WNT16: variants seen among roughly 807,000 people sequenced by gnomAD.
WNT16 encodes protein Wnt-16.
A neutral mutation model predicts 35.4 loss-of-function variants in WNT16; 20 were observed. The ratio of observed to expected loss-of-function variants is 0.56; its 90% CI spans 0.40 to 0.82. The LOEUF (loss-of-function observed/expected upper bound fraction) is 0.82, where lower values mean the gene tolerates loss of function less well. WNT16 is among the 40% of genes least tolerant of loss of function. The pLI, the probability that WNT16 is intolerant of heterozygous loss-of-function variation, is 0.00. For synonymous variants in WNT16, 180 were observed against 179.2 expected (o/e 1.00, Z -0.03); for missense variants, 461 against 466.0 (o/e 0.99, Z 0.10).
chr7:121,329,124 G>A lies in WNT16; in HGVS notation c.-169G>A, dbSNP rs1793291716. 4.4e-6 allele frequency: 6 copies of A among 1,378,608 alleles called. No individual in the cohort carries two copies. Among genetic ancestry groups the A allele is most frequent in the Non-Finnish European group, 5.6e-6 (6 of 1,068,098 alleles). The allele number at this position is 1,378,608 out of a possible 1,614,324, so 85.4% of individuals were successfully genotyped here. A position where few individuals can be genotyped will look rare whatever the true frequency, so the allele number is the denominator to read the frequency against. ...TCTCCTACAGCTCCCTGCAAACGAG[G>A]GGGAAGCTGCTGAGAGTCCCTATCA... is the stretch of plus-strand genomic sequence containing the variant. On this transcript the variant is annotated 5_prime_UTR_variant, in exon 1 of 4. Coordinates refer to ENST00000222462, the MANE Select transcript of WNT16 (RefSeq NM_057168.2).
chr7:121,325,846 T>G (rs1456069024), upstream of WNT16, among the ~76,000 whole-genome samples: 1 of 151,562 alleles, frequency 6.6e-6, no homozygotes, highest in Non-Finnish European at 1.5e-5. Context: ...TTGAGACCAG[T>G]CTGGGCAACA....
chr7:121,331,645 G>T, intron 2 of WNT16, 33 bp from the exon 3 acceptor site: 1 of 1,591,666 alleles, frequency 6.3e-7, no homozygotes, highest in Non-Finnish European at 8.6e-7. Context: ...AAGTTGCCTG[G>T]TTCTCTAATT....
At position 121,329,103 on chromosome 7, in the gene WNT16, C is replaced by T; in HGVS notation, c.-190C>T. On this transcript the variant is annotated 5_prime_UTR_variant, in exon 1 of 4. Transcript: ENST00000222462. ...CCCCAGGCTGCTCTCTCCATCTCTC[C>T]TACAGCTCCCTGCAAACGAGGGGGA... 1 of 1,373,872 alleles carries T rather than the reference C, an allele frequency of 7.3e-7. No homozygotes were observed. The highest frequency in any genetic ancestry group is 2.6e-5 in the East Asian group (1 of 38,774). 85.1% of individuals were successfully genotyped at this position (1,373,872 alleles called of 1,614,324 possible).
At chr7:121,335,658 C>G (rs552447813) in intron 3 of WNT16, among the ~76,000 whole-genome samples, 4 of 152,026 alleles carry the variant, frequency 2.6e-5, no homozygotes, top group African/African-American at 4.8e-5. Context: ...AATTAAGAAT[C>G]CTGGAGGAAA....
chr7:121,331,612 G>A, intron 2 of WNT16, 66 bp from the exon 3 acceptor site: 1 of 1,475,000 alleles, frequency 6.8e-7, no homozygotes, highest in Non-Finnish European at 9.3e-7. Context: ...ATGAGTAGGA[G>A]GCTTTCTTCT....
chr7:121,326,287 A>C (rs1038072942), upstream of WNT16, among the ~76,000 whole-genome samples: 1 of 152,180 alleles, frequency 6.6e-6, no homozygotes, highest in Non-Finnish European at 1.5e-5. Context: ...CAAAATTATC[A>C]TTCAAATATC....
chr7:121,338,778 A>G, intron 3 of WNT16, 103 bp from the exon 4 acceptor site: 3 of 955,956 alleles, frequency 3.1e-6, no homozygotes, highest in Non-Finnish European at 4.6e-6. Flanking sequence ...TTTATTCAAG[A>G]GGAAATAGAC....
chr7:121,332,763 A>G (rs879286114), intron 3 of WNT16, among the ~76,000 whole-genome samples: 3 of 152,158 alleles, frequency 2.0e-5, no homozygotes, highest in Non-Finnish European at 4.4e-5. Flanking sequence ...AAGCATAAAG[A>G]AGCTATAGGT....
chr7:121,338,745 T>G (rs2116843934), intron 3 of WNT16, 136 bp from the exon 4 acceptor site: 1 of 792,196 alleles, frequency 1.3e-6, no homozygotes, highest in East Asian at 2.7e-5. Flanking sequence ...TTTTAAAGAT[T>G]ATTTACGTTC....
upstream of WNT16, among the ~76,000 whole-genome samples, chr7:121,325,955 G>A (rs537721844): frequency 8.8e-5 from 13 of 147,342 alleles, no homozygotes; most frequent in African/African-American, 2.8e-4. Flanking sequence ...GGTGAGGATC[G>A]CTTGTGCCTG....
In WNT16 at chr7:121,331,642, C is replaced by A. The variant is rs369157030; in HGVS notation, c.347-36C>A. 1,529 of 1,588,086 alleles carry A rather than the reference C, an allele frequency of 9.6e-4. 1 individual carries two copies. Among genetic ancestry groups the A allele is most frequent in the Non-Finnish European group, 1.2e-3 (1,417 of 1,161,074 alleles). ...TCTTCTGAACATAAACAGAAGTTGC[C>A]TGGTTCTCTAATTTAGCAATTTATA... On this transcript the variant is annotated intron_variant, in intron 2 of 3. Coordinates refer to ENST00000222462, the MANE Select transcript of WNT16 (RefSeq NM_057168.2).
intron 3 of WNT16, among the ~76,000 whole-genome samples, chr7:121,335,278 T>A (rs1793422682): frequency 6.6e-6 from 1 of 152,060 alleles, no homozygotes; most frequent in South Asian, 2.1e-4. Flanking sequence ...GTGGAACCAA[T>A]CAGTTCTTAA....
At chr7:121,325,623 G>A, upstream of WNT16, 7 of 704,762 alleles carry the variant, frequency 9.9e-6, no homozygotes, top group East Asian at 3.0e-5. Context: ...TAAGATTTGG[G>A]GATTTGATCA....
At position 121,340,421 on chromosome 7, in the gene WNT16, A is replaced by AT. The variant is rs1386855754; in HGVS notation, c.*1083dup. On this transcript the variant is annotated 3_prime_UTR_variant, in exon 4 of 4. Coordinates refer to ENST00000222462, the MANE Select transcript of WNT16 (RefSeq NM_057168.2). ...TATTTTTTTTCATACTATTAATGCT[A>AT]TTTTTTTGGACATCGAAGAGAATTT... 1 of 152,016 alleles carries AT rather than the reference A, an allele frequency of 6.6e-6. No homozygotes were observed. Among genetic ancestry groups the AT allele is most frequent in the Non-Finnish European group, 1.5e-5 (1 of 67,956 alleles). The allele number at this position is 152,016 out of a possible 1,614,324, so 9.4% of individuals were successfully genotyped here. A position where few individuals can be genotyped will look rare whatever the true frequency, so the allele number is the denominator to read the frequency against.
chr7:121,330,714 GAAAAAA>G lies in WNT16; in HGVS notation c.346+914_346+919del, dbSNP rs11371537. 3.0e-3 allele frequency among the ~76,000 whole-genome samples: 266 copies of G among 88,182 alleles called. 2 individuals are homozygous for G. The highest frequency in any genetic ancestry group is 8.6e-3 in the East Asian group (32 of 3,736). The allele number at this position is 88,182 out of a possible 152,430, so 57.9% of individuals were successfully genotyped here. On this transcript the variant is annotated intron_variant, in intron 2 of 3. Coordinates refer to ENST00000222462, the MANE Select transcript of WNT16 (RefSeq NM_057168.2). The stretch of plus-strand genomic sequence containing the variant: ...GAAGGAGCCCTGGTCCCCGTAGAGA[GAAAAAA>G]AAAAAAAAAAAAAAAAGAGACAGAA...
intron 3 of WNT16, among the ~76,000 whole-genome samples, chr7:121,336,421 CA>C (rs1793447247): frequency 1.3e-5 from 2 of 151,944 alleles, no homozygotes; most frequent in Non-Finnish European, 2.9e-5. Flanking sequence ...TGTATGTATT[CA>C]AAAGGGCTAA....
At chr7:121,329,433 G>A in intron 1 of WNT16, 46 bp downstream of exon 1, 1 of 1,598,892 alleles carries the variant, frequency 6.3e-7, no homozygotes, top group Non-Finnish European at 8.5e-7. Context: ...TGGCAAAAGG[G>A]GTGCCCAATC....
intron 2 of WNT16, among the ~76,000 whole-genome samples, chr7:121,331,326 G>T (rs922988114): frequency 1.3e-5 from 2 of 152,178 alleles, no homozygotes; most frequent in Admixed American, 6.6e-5. Flanking sequence ...TCTATGCAAA[G>T]AATTTTTAAT....
chr7:121,330,745 A>C (rs1259696764), intron 2 of WNT16, among the ~76,000 whole-genome samples: 2 of 151,460 alleles, frequency 1.3e-5, no homozygotes, highest in African/African-American at 2.4e-5. Flanking sequence ...AAGAGACAGA[A>C]AGAAAAAAAA....
Sources: allele counts gnomAD v4.1 joint callset (sites outside exome capture counted in the v4.1 genomes callset), GRCh38; gene constraint gnomAD v4.1.1; transcripts MANE v1.5; gene names NCBI Gene and HGNC (gene_info 2026-07-23, HGNC 2026-07-21).